The following MYLK4 variants were observed in gnomAD, a reference collection of about 807,000 sequenced individuals.
The protein encoded by MYLK4 is caMLCK like.
MYLK4 carries 46 observed loss-of-function variants against 48.1 expected under a neutral mutation model. That is an observed-to-expected ratio of 0.96 (90% CI 0.75 to 1.22). MYLK4 has a LOEUF of 1.22. Among genes scored for constraint, MYLK4 ranks in the 50% most tolerant of loss-of-function variants. The pLI is 0.00. For synonymous variants in MYLK4, 170 were observed against 180.8 expected, an observed-to-expected ratio of 0.94 and a Z score of 0.48; for missense variants, 451 against 486.1, an observed-to-expected ratio of 0.93 and a Z score of 0.68.
intron 1 of MYLK4, among the ~76,000 whole-genome samples, chr6:2,750,308 A>G (rs1764250870): frequency 6.6e-6 from 1 of 152,208 alleles, no homozygotes; most frequent in Non-Finnish European, 1.5e-5. Context: ...TTGAGTTCCA[A>G]AGTGTTTAAA....
chr6:2,766,595 T>C, the MYLK4 span: 2,683 of 1,354,748 alleles, frequency 2.0e-3, 3 homozygotes, highest in Non-Finnish European at 2.4e-3. Flanking sequence ...GGGCAGTGCC[T>C]GGTCCACAGG....
chr6:2,743,871 T>C (rs1763978783), intron 2 of MYLK4: 1 of 398,450 alleles, frequency 2.5e-6, no homozygotes, highest in South Asian at 1.3e-4. Context: ...AATGAATCTG[T>C]CTTAGATAAA....
At chr6:2,678,553 A>G (rs754152269) in intron 9 of MYLK4, among the ~76,000 whole-genome samples, 181 bp from the exon 10 acceptor site, 4 of 152,166 alleles carry the variant, frequency 2.6e-5, no homozygotes, top group Non-Finnish European at 5.9e-5. Flanking sequence ...CCCAACTCCT[A>G]ACTGAACAAC....
intron 2 of MYLK4, among the ~76,000 whole-genome samples, chr6:2,698,426 G>A (rs1762150668): frequency 6.6e-6 from 1 of 152,200 alleles, no homozygotes; most frequent in East Asian, 1.9e-4. Context: ...GTGTGAAAAA[G>A]GAATAGCCTA....
rs780035179 is a variant in MYLK4, at chr6:2,678,194, C to T, written c.1040+26G>A. 4.3e-6 allele frequency: 7 copies of T among 1,610,096 alleles called. No individual in the cohort carries two copies. In the East Asian group the frequency reaches 6.7e-5, roughly 15 times the overall value. On this transcript the variant is annotated intron_variant, in intron 10 of 12. Transcript: ENST00000274643. ...GCTTCCTTATCATCCCTACTGCGCC[C>T]GGAGCACAGGACGAACTTGCGTTAC...
chr6:2,693,011 T>C, intron 2 of MYLK4, 152 bp from the exon 3 acceptor site: 1 of 671,128 alleles, frequency 1.5e-6, no homozygotes. Context: ...ATCCACCAGA[T>C]GCCAGTAGCA....
chr6:2,746,116 A>AG (rs1764085674), intron 2 of MYLK4, among the ~76,000 whole-genome samples: 1 of 150,604 alleles, frequency 6.6e-6, no homozygotes, highest in Non-Finnish European at 1.5e-5. Context: ...TATAAAAAAA[A>AG]ATGAGTCAGG....
At chr6:2,708,569 A>G (rs1762570929) in intron 2 of MYLK4, among the ~76,000 whole-genome samples, 1 of 152,250 alleles carries the variant, frequency 6.6e-6, no homozygotes, top group South Asian at 2.1e-4. Context: ...GCCCCAAAGT[A>G]AATCGGCTAT....
chr6:2,747,720 C>G (rs533046800), intron 2 of MYLK4, among the ~76,000 whole-genome samples: 2 of 152,088 alleles, frequency 1.3e-5, no homozygotes, highest in African/African-American at 2.4e-5. Flanking sequence ...AAAAACAGTA[C>G]TTGAAAGATA....
chr6:2,744,914 C>T (rs187739031), intron 2 of MYLK4, among the ~76,000 whole-genome samples: 19 of 152,262 alleles, frequency 1.2e-4, no homozygotes, highest in Admixed American at 7.8e-4. Context: ...GTCTTCCAGG[C>T]GCGGATGTGG....
At chr6:2,756,181 T>C in the MYLK4 span, among the ~76,000 whole-genome samples, 1 of 152,180 alleles carries the variant, frequency 6.6e-6, no homozygotes, top group Non-Finnish European at 1.5e-5. Context: ...TCTATACTTA[T>C]TAATTGGTAT....
At position 2,685,631 on chromosome 6, in the gene MYLK4, G is replaced by T; in HGVS notation, c.342-55C>A. Reference sequence around the variant, plus strand: ...AGGCCCTGTGGTCAGCTGCCGAGTGGACAGCGCACAGTGGCCCCAGTATTT... The same window carrying T: ...AGGCCCTGTGGTCAGCTGCCGAGTGTACAGCGCACAGTGGCCCCAGTATTT... On this transcript the variant is annotated intron_variant, in intron 4 of 12. Transcript: ENST00000274643. This position sits in a 1 kb window ranked among gnomAD's most constrained non-coding sequence, Gnocchi z 4.5. 2 of 1,528,540 alleles carry T rather than the reference G, an allele frequency of 1.3e-6. No homozygotes were observed. Among genetic ancestry groups the T allele is most frequent in the South Asian group, 2.3e-5 (2 of 88,728 alleles). The allele number at this position is 1,528,540 out of a possible 1,614,324, so 94.7% of individuals were successfully genotyped here.
chr6:2,685,426 C>G lies in MYLK4; in HGVS notation c.436-21G>C, dbSNP rs143814170. The G allele has an allele frequency of 8.7e-7, 1 of 1,144,508 alleles. No individual in the cohort carries two copies. The highest frequency in any genetic ancestry group is 1.2e-6 in the Non-Finnish European group (1 of 815,432). The allele number at this position is 1,144,508 out of a possible 1,614,324, so 70.9% of individuals were successfully genotyped here. On this transcript the variant is annotated intron_variant, in intron 5 of 12. Coordinates refer to ENST00000274643, the MANE Select transcript of MYLK4 (RefSeq NM_001012418.5). The surrounding 1 kb of genome is among the most constrained non-coding windows in gnomAD (Gnocchi z 4.5). The stretch of plus-strand genomic sequence containing the variant: ...TCCTCCTGAGAAGCAGGAAACAGTG[C>G]ATTAGTGTGGTCAAGATGGGGCGGG...
chr6:2,683,385 A>G (rs1326505681), intron 6 of MYLK4, among the ~76,000 whole-genome samples: 1 of 81,546 alleles, frequency 1.2e-5, no homozygotes, highest in Admixed American at 1.6e-4. Context: ...CCAACTCCCC[A>G]CCTTTTTGTG....
At chr6:2,757,650 G>C in the MYLK4 span, among the ~76,000 whole-genome samples, 1 of 151,074 alleles carries the variant, frequency 6.6e-6, no homozygotes, top group South Asian at 2.1e-4. Context: ...CAATTTCATA[G>C]TTAGGGAAAA....
intron 2 of MYLK4, among the ~76,000 whole-genome samples, chr6:2,739,639 T>G (rs112835911): frequency 0.016 from 2,423 of 152,322 alleles, 56 homozygotes; most frequent in African/African-American, 0.054. Context: ...CTCAATGGAC[T>G]GGCAAATCAG....
At chr6:2,703,689 T>TTTTG (rs1762385744) in intron 2 of MYLK4, among the ~76,000 whole-genome samples, 1 of 143,552 alleles carries the variant, frequency 7.0e-6, no homozygotes, top group Non-Finnish European at 1.5e-5. Flanking sequence ...TTTTTTTTTT[T>TTTTG]GAGACGGAGT....
chr6:2,705,010 G>A (rs974248154), intron 2 of MYLK4, among the ~76,000 whole-genome samples: 6 of 152,182 alleles, frequency 3.9e-5, no homozygotes, highest in Non-Finnish European at 7.3e-5. Flanking sequence ...ATGGTTGCAA[G>A]ACACCGATTC....
At chr6:2,737,955 G>A (rs1361513079) in intron 2 of MYLK4, among the ~76,000 whole-genome samples, 1 of 124,874 alleles carries the variant, frequency 8.0e-6, no homozygotes, top group Non-Finnish European at 1.6e-5. Flanking sequence ...CAACAACTCT[G>A]CTGGGGGTGG....
Sources: allele counts gnomAD v4.1 joint callset (sites outside exome capture counted in the v4.1 genomes callset), GRCh38; gene constraint gnomAD v4.1.1; non-coding constraint Gnocchi (gnomAD v3.1); transcripts MANE v1.5; gene names NCBI Gene and HGNC (gene_info 2026-07-23, HGNC 2026-07-21).